Variants in GALNT3 observed in about 807,000 individuals in gnomAD.
GALNT3 encodes GalNAc transferase 3.
A neutral mutation model predicts 69.8 loss-of-function variants in GALNT3; 51 were observed. That is an observed-to-expected ratio of 0.73 (90% CI 0.58 to 0.92). GALNT3 has a LOEUF of 0.92. Ranked by LOEUF, GALNT3 falls within the 40% of genes least tolerant of loss-of-function variation. The probability of loss-of-function intolerance (pLI) is 0.00; values close to 1 mark genes in which losing one functional copy is unlikely to be tolerated. For synonymous variants in GALNT3, 265 were observed against 248.5 expected (o/e 1.07, Z -0.63); for missense variants, 711 against 760.0 (o/e 0.94, Z 0.76).
intron 2 of GALNT3, 169 bp downstream of exon 2, chr2:165,770,017 G>A (rs1395228861): frequency 1.0e-5 from 8 of 765,370 alleles, no homozygotes; most frequent in Admixed American, 2.1e-5. Flanking sequence ...ATAGGGATAT[G>A]TAGCCTCAAT....
At chr2:165,780,641 G>GTTT (rs773206913) in intron 1 of GALNT3, among the ~76,000 whole-genome samples, 3,980 of 103,648 alleles carry the variant, frequency 0.038, 71 homozygotes, top group Non-Finnish European at 0.058. Flanking sequence ...GGTTTGAGGG[G>GTTT]TTTTTTTGTT....
chr2:165,773,669 A>G (rs1487784841), intron 1 of GALNT3, among the ~76,000 whole-genome samples: 1 of 152,140 alleles, frequency 6.6e-6, no homozygotes, highest in Non-Finnish European at 1.5e-5. Context: ...TGCAGTAGAG[A>G]TGAAAATTTG....
intron 1 of GALNT3, among the ~76,000 whole-genome samples, chr2:165,783,809 T>C (rs1237270755): frequency 6.6e-6 from 1 of 152,156 alleles, no homozygotes; most frequent in African/African-American, 2.4e-5. Context: ...TCCCCATATT[T>C]ACCCCTTCCC....
Position 165,761,889 on chromosome 2 carries a change from A to G in GALNT3, c.838+16T>C. On this transcript the variant is annotated intron_variant, in intron 4 of 10. Coordinates refer to ENST00000392701, the MANE Select transcript of GALNT3 (RefSeq NM_004482.4). Reference sequence around the variant, plus strand: ...GAGGGAAAATGTTACAACCATATCCATACATATATACTTACAGTGAGCATC... The same window carrying G: ...GAGGGAAAATGTTACAACCATATCCGTACATATATACTTACAGTGAGCATC... The G allele has an allele frequency of 6.2e-7, 1 of 1,613,618 alleles. No individual in the cohort carries two copies. The highest frequency in any genetic ancestry group is 8.5e-7 in the Non-Finnish European group (1 of 1,179,550).
chr2:165,768,601 TAC>T lies in GALNT3; in HGVS notation c.515+1583_515+1584del, dbSNP rs367757337. 3.0e-4 allele frequency among the ~76,000 whole-genome samples: 45 copies of T among 152,318 alleles called. No individual in the cohort carries two copies. In the South Asian group the frequency reaches 9.1e-3, roughly 31 times the overall value. ...AGAATAGCTCAACAGAAATCTAAGCTACACAGTTTCAATGTTAAGGGACTCAT... is the reference window on the plus strand; with the variant it reads ...AGAATAGCTCAACAGAAATCTAAGCTACAGTTTCAATGTTAAGGGACTCAT... On this transcript the variant is annotated intron_variant, in intron 2 of 10. Transcript: ENST00000392701.
intron 1 of GALNT3, among the ~76,000 whole-genome samples, chr2:165,787,427 C>G (rs1559008678): frequency 1.3e-5 from 2 of 152,086 alleles, no homozygotes; most frequent in Non-Finnish European, 2.9e-5. Flanking sequence ...ATCTTAAGGG[C>G]CATGAAGGGC....
At chr2:165,778,655 G>A (rs1215413508) in intron 1 of GALNT3, among the ~76,000 whole-genome samples, 1 of 152,162 alleles carries the variant, frequency 6.6e-6, no homozygotes, top group Non-Finnish European at 1.5e-5. Flanking sequence ...TGACTACCTG[G>A]TAAAAAGTCA....
chr2:165,782,065 T>C (rs1404291432), intron 1 of GALNT3, among the ~76,000 whole-genome samples: 1 of 152,154 alleles, frequency 6.6e-6, no homozygotes, highest in Non-Finnish European at 1.5e-5. Flanking sequence ...CTAAGATCCA[T>C]TTAACTTCTG....
At chr2:165,789,537 T>C (rs1159421306) in intron 1 of GALNT3, among the ~76,000 whole-genome samples, 1 of 152,138 alleles carries the variant, frequency 6.6e-6, no homozygotes, top group Non-Finnish European at 1.5e-5. Context: ...ACCTGGATGG[T>C]AGTACACATT....
chr2:165,767,968 G>T (rs1236423151), intron 2 of GALNT3, among the ~76,000 whole-genome samples: 1 of 149,896 alleles, frequency 6.7e-6, no homozygotes, highest in Admixed American at 6.7e-5. Context: ...CCGCTTCCCG[G>T]GTTCAAGTGA....
At chr2:165,785,211 GAA>G (rs1283023125) in intron 1 of GALNT3, among the ~76,000 whole-genome samples, 8 of 151,872 alleles carry the variant, frequency 5.3e-5, no homozygotes, top group African/African-American at 1.9e-4. Context: ...TACCAATAGG[GAA>G]AGAGATAAAT....
At chr2:165,756,916 T>A (rs1688451798) in intron 7 of GALNT3, 131 bp downstream of exon 7, 7 of 695,022 alleles carry the variant, frequency 1.0e-5, no homozygotes, top group Non-Finnish European at 1.7e-5. Flanking sequence ...GATTCATAAG[T>A]CATGTACTTT....
intron 2 of GALNT3, among the ~76,000 whole-genome samples, chr2:165,767,015 C>T (rs150235866): frequency 2.1e-3 from 320 of 151,898 alleles, no homozygotes; most frequent in African/African-American, 7.0e-3. Flanking sequence ...GGTGCATGGG[C>T]GGAAAAAATA....
At chr2:165,792,662 GTTA>G (rs1229088312) in intron 1 of GALNT3, among the ~76,000 whole-genome samples, 11 of 152,002 alleles carry the variant, frequency 7.2e-5, no homozygotes, top group Non-Finnish European at 1.3e-4. Flanking sequence ...CAATGGAATT[GTTA>G]TTATTATCAG....
Position 165,770,627 on chromosome 2 carries a change from G to A in GALNT3, c.74C>T (p.Ala25Val). Residue 25 changes from alanine (A) to valine (V), a missense_variant, in exon 2 of 11, where the codon GCA (alanine) becomes GTA (valine). Transcript: ENST00000392701. ...HYHKKFWKLGAVIFFFIIVLV... is the reference protein window; with the variant it reads ...HYHKKFWKLGVVIFFFIIVLV... ...AACTATTATAAAGAAAAAAATTACT[G>A]CACCAAGCTTCCAGAACTTTTTATG... 1 of 1,601,440 alleles carries A rather than the reference G, an allele frequency of 6.2e-7. No homozygotes were observed. The highest frequency in any genetic ancestry group is 1.7e-5 in the Admixed American group (1 of 58,086).
At chr2:165,774,580 G>A (rs2105423958) in intron 1 of GALNT3, among the ~76,000 whole-genome samples, 1 of 152,244 alleles carries the variant, frequency 6.6e-6, no homozygotes, top group Non-Finnish European at 1.5e-5. Context: ...GAGTGCATGT[G>A]TATCTATGTA....
At position 165,770,478 on chromosome 2, in the gene GALNT3, C is replaced by T; in HGVS notation, c.223G>A (p.Asp75Asn). 1 of 1,614,168 alleles carries T rather than the reference C, an allele frequency of 6.2e-7. No individual in the cohort carries two copies. The highest frequency in any genetic ancestry group is 1.3e-5 in the African/African-American group (1 of 75,042). The part of the protein sequence containing the change: ...LMLEAVNNIK[D>N]AMPKMQIGAP... The stretch of plus-strand genomic sequence containing the variant: ...CCTATTTGCATTTTTGGCATGGCAT[C>T]CTTAATATTGTTTACAGCTTCTAGC... The change falls in exon 2 of 11, where the codon GAT (aspartate) becomes AAT (asparagine). Residue 75 changes from aspartate (D) to asparagine (N), a missense_variant. Transcript: ENST00000392701.
At chr2:165,750,446 A>G (rs1688338562) in intron 9 of GALNT3, among the ~76,000 whole-genome samples, 1 of 152,154 alleles carries the variant, frequency 6.6e-6, no homozygotes, top group South Asian at 2.1e-4. Context: ...TATTGTTACT[A>G]CTGATGCTTC....
chr2:165,757,006 T>C (rs759839512), intron 7 of GALNT3, 41 bp downstream of exon 7: 2 of 1,487,918 alleles, frequency 1.3e-6, no homozygotes, highest in Non-Finnish European at 1.9e-6. Flanking sequence ...GTGAACTTGT[T>C]ATAGATTTTA....
Sources: allele counts gnomAD v4.1 joint callset (sites outside exome capture counted in the v4.1 genomes callset), GRCh38; gene constraint gnomAD v4.1.1; transcripts MANE v1.5; gene names NCBI Gene and HGNC (gene_info 2026-07-23, HGNC 2026-07-21).